The following ABLIM1 variants were observed in gnomAD, a reference collection of about 807,000 sequenced individuals.
The protein encoded by ABLIM1 is actin binding LIM protein 1.
In ABLIM1, 40 loss-of-function variants were observed where a neutral mutation model predicts 107.0. The ratio of observed to expected loss-of-function variants is 0.37; its 90% CI spans 0.29 to 0.49. ABLIM1 has a LOEUF of 0.49. Ranked by LOEUF, ABLIM1 falls within the 20% of genes least tolerant of loss-of-function variation. The pLI is 0.97. For synonymous variants in ABLIM1, 357 were observed against 357.3 expected (o/e 1.00, Z 0.01); for missense variants, 857 against 1,008.5 (o/e 0.85, Z 2.04).
At chr10:114,597,977 T>C (rs2075600105) in intron 2 of ABLIM1, among the ~76,000 whole-genome samples, 1 of 152,142 alleles carries the variant, frequency 6.6e-6, no homozygotes, top group Non-Finnish European at 1.5e-5. Flanking sequence ...CCATTTGAAA[T>C]GTGTCTAGTC....
intron 22 of ABLIM1, among the ~76,000 whole-genome samples, chr10:114,437,321 CT>C (rs1314987276): frequency 3.4e-3 from 456 of 134,530 alleles, no homozygotes; most frequent in Middle Eastern, 3.9e-3. Flanking sequence ...TTCTTTCTTT[CT>C]TTTTTTTTTT....
intron 6 of ABLIM1, among the ~76,000 whole-genome samples, chr10:114,516,517 C>T (rs1464604748): frequency 1.3e-5 from 2 of 152,124 alleles, no homozygotes; most frequent in African/African-American, 4.8e-5. Flanking sequence ...GAGCAAGACT[C>T]TGTCTCCAAA....
chr10:114,713,511 C>T (rs961475856), intron 1 of ABLIM1, among the ~76,000 whole-genome samples: 1 of 152,204 alleles, frequency 6.6e-6, no homozygotes, highest in African/African-American at 2.4e-5. Flanking sequence ...AGTCCGGAAG[C>T]TATCCCTCAG....
intron 12 of ABLIM1, among the ~76,000 whole-genome samples, chr10:114,465,079 T>C (rs1020173071): frequency 8.5e-5 from 13 of 152,238 alleles, no homozygotes; most frequent in African/African-American, 3.1e-4. Context: ...AATAATTGTA[T>C]GTTTTCCAAG....
At chr10:114,787,641 G>T in the ABLIM1 span, among the ~76,000 whole-genome samples, 55 of 107,782 alleles carry the variant, frequency 5.1e-4, no homozygotes, top group South Asian at 3.2e-4. Context: ...GCCTCTGCCC[G>T]GCCGCCCCTA....
At chr10:114,761,481 T>C (rs957661080) in intron 1 of ABLIM1, among the ~76,000 whole-genome samples, 5 of 152,106 alleles carry the variant, frequency 3.3e-5, no homozygotes, top group Admixed American at 2.0e-4. Context: ...GTTAGGACAT[T>C]TCAAACTTGT....
Position 114,597,958 on chromosome 10 carries a change from G to A in ABLIM1, c.379+3869C>T, listed in dbSNP as rs117306470. ...AATACAGTAGCCACTAACCACATGT[G>A]GCTACTGACCATTTGAAATGTGTCT... On this transcript the variant is annotated intron_variant, in intron 2 of 22. Transcript: ENST00000533213. 8.1e-4 allele frequency among the ~76,000 whole-genome samples: 124 copies of A among 152,276 alleles called. 1 individual carries two copies. The East Asian group carries it at 0.018, about 22-fold the overall frequency.
intron 1 of ABLIM1, among the ~76,000 whole-genome samples, chr10:114,635,985 G>A (rs774739262): frequency 1.8e-4 from 28 of 152,218 alleles, no homozygotes; most frequent in Non-Finnish European, 3.1e-4. Context: ...CAGGTACTGG[G>A]CTGGGTATAC....
chr10:114,645,116 A>G (rs80072841), intron 1 of ABLIM1, among the ~76,000 whole-genome samples: 290 of 152,306 alleles, frequency 1.9e-3, no homozygotes, highest in African/African-American at 6.7e-3. Context: ...ATCATTTGCA[A>G]TGGAATCTGT....
chr10:114,478,336 C>T (rs919779630), intron 8 of ABLIM1, among the ~76,000 whole-genome samples: 1 of 152,184 alleles, frequency 6.6e-6, no homozygotes, highest in Non-Finnish European at 1.5e-5. Context: ...AGAGCCATCC[C>T]TCTGCTACTC....
chr10:114,531,906 C>T (rs1264061701), intron 6 of ABLIM1, among the ~76,000 whole-genome samples: 2 of 152,166 alleles, frequency 1.3e-5, no homozygotes, highest in Non-Finnish European at 2.9e-5. Context: ...CCTCCACCTC[C>T]TGGGTTCCAG....
At chr10:114,734,523 C>G (rs922813686) in intron 1 of ABLIM1, among the ~76,000 whole-genome samples, 1 of 152,040 alleles carries the variant, frequency 6.6e-6, no homozygotes, top group African/African-American at 2.4e-5. Flanking sequence ...CACCTTGTTC[C>G]CCCAATCCTC....
intron 8 of ABLIM1, among the ~76,000 whole-genome samples, chr10:114,478,082 C>T (rs2056761968): frequency 3.3e-5 from 5 of 152,094 alleles, no homozygotes; most frequent in Admixed American, 3.3e-4. Flanking sequence ...TTCTTGGAAA[C>T]ATTTATCTTT....
At chr10:114,599,030 G>T (rs2497664) in intron 2 of ABLIM1, among the ~76,000 whole-genome samples, 103,943 of 151,866 alleles carry the variant, frequency 0.68, 36,083 homozygotes, top group African/African-American at 0.75. Context: ...CTCCCTACGG[G>T]ATAAGGCATG....
exon 1 of ABLIM1, chr10:114,684,594 T>C: frequency 7.6e-7 from 1 of 1,318,030 alleles, no homozygotes; most frequent in East Asian, 2.7e-5. Context: ...CCCCTTCTTC[T>C]CTCGACCCTG....
At position 114,436,108 on chromosome 10, in the gene ABLIM1, G is replaced by A; in HGVS notation, c.*152C>T. 1.6e-6 allele frequency: 1 copy of A among 611,858 alleles called. No homozygotes were observed. The highest frequency in any genetic ancestry group is 2.9e-6 in the Non-Finnish European group (1 of 344,450). 37.9% of individuals were successfully genotyped at this position (611,858 alleles called of 1,614,324 possible). On this transcript the variant is annotated 3_prime_UTR_variant, in exon 23 of 23. Transcript: ENST00000533213. ...GTTACTGTTGGCTGGCCCGACATTT[G>A]ACTCATGGTGTTTTAACCAGACTTT...
At chr10:114,437,997 C>T in intron 21 of ABLIM1, 73 bp from the exon 22 acceptor site, 1 of 1,379,968 alleles carries the variant, frequency 7.2e-7, no homozygotes. Context: ...CACCTAAACG[C>T]TAGTACTCCC....
At chr10:114,694,672 A>T (rs2081158333) in intron 1 of ABLIM1, among the ~76,000 whole-genome samples, 1 of 152,186 alleles carries the variant, frequency 6.6e-6, no homozygotes, top group Non-Finnish European at 1.5e-5. Flanking sequence ...TATTGTTATT[A>T]TTCTTTAAAC....
chr10:114,775,135 G>A, the ABLIM1 span, among the ~76,000 whole-genome samples: 1 of 152,188 alleles, frequency 6.6e-6, no homozygotes, highest in South Asian at 2.1e-4. Flanking sequence ...GCAAGCAGGG[G>A]AAATGCCAGA....
Sources: gnomAD v4.1 joint callset for allele counts (sites outside exome capture counted in the v4.1 genomes callset) on GRCh38, gnomAD v4.1.1 for gene constraint, MANE v1.5 for transcripts, NCBI Gene and HGNC (gene_info 2026-07-23, HGNC 2026-07-21) for gene names.